NPAS3: variants seen among roughly 807,000 people sequenced by gnomAD.
NPAS3 encodes neuronal PAS domain protein 3.
NPAS3 carries 14 observed loss-of-function variants against 73.1 expected under a neutral mutation model. The ratio of observed to expected loss-of-function variants is 0.19; its 90% confidence interval spans 0.13 to 0.30. The LOEUF is 0.30. Ranked by LOEUF, NPAS3 falls within the 10% of genes least tolerant of loss-of-function variation. The pLI is 1.00. For synonymous variants in NPAS3, 620 were observed against 541.5 expected, an observed-to-expected ratio of 1.14 and a Z score of -2.01; for missense variants, 1,096 against 1,250.0, an observed-to-expected ratio of 0.88 and a Z score of 1.86.
At chr14:33,449,631 GCACA>G (rs35853342) in intron 4 of NPAS3, among the ~76,000 whole-genome samples, 9 of 148,646 alleles carry the variant, frequency 6.1e-5, no homozygotes, top group East Asian at 3.9e-4. Context: ...GCACACACAT[GCACA>G]CACACACACA....
At chr14:33,136,441 A>G (rs1189556490) in intron 2 of NPAS3, among the ~76,000 whole-genome samples, 4 of 152,186 alleles carry the variant, frequency 2.6e-5, no homozygotes. Context: ...AACCTTTAAC[A>G]CATTGATAAT....
intron 9 of NPAS3, among the ~76,000 whole-genome samples, chr14:33,787,074 T>TA (rs917496824): frequency 4.0e-5 from 6 of 151,758 alleles, no homozygotes; most frequent in Admixed American, 2.0e-4. Context: ...GTATAGGTCC[T>TA]AAAAAAAATA....
intron 4 of NPAS3, among the ~76,000 whole-genome samples, chr14:33,442,842 G>C (rs1023612332): frequency 6.6e-6 from 1 of 152,180 alleles, no homozygotes; most frequent in Non-Finnish European, 1.5e-5. Flanking sequence ...GAAATGATTT[G>C]TTAGCGTCAG....
At chr14:33,184,131 A>G (rs1248949516) in intron 2 of NPAS3, among the ~76,000 whole-genome samples, 2 of 152,186 alleles carry the variant, frequency 1.3e-5, no homozygotes, top group Admixed American at 6.5e-5. Context: ...ACGAAGTCAA[A>G]CACGCACTTT....
intron 7 of NPAS3, among the ~76,000 whole-genome samples, chr14:33,743,515 C>T (rs1347435811): frequency 6.6e-6 from 1 of 152,140 alleles, no homozygotes; most frequent in Non-Finnish European, 1.5e-5. Context: ...CATAGACAGA[C>T]TAGATTTAGC....
chr14:33,415,194 T>C (rs932030024), intron 4 of NPAS3, among the ~76,000 whole-genome samples: 1 of 152,078 alleles, frequency 6.6e-6, no homozygotes, highest in Non-Finnish European at 1.5e-5. Context: ...TATCTGCAAT[T>C]TTTATTTATC....
intron 1 of NPAS3, among the ~76,000 whole-genome samples, chr14:32,997,050 C>T (rs996010628): frequency 1.3e-5 from 2 of 152,198 alleles, no homozygotes; most frequent in African/African-American, 2.4e-5. Context: ...TGGGAACCCA[C>T]CTCATGCATT....
chr14:33,685,105 C>CATTG (rs372502085), intron 6 of NPAS3, among the ~76,000 whole-genome samples: 193 of 152,190 alleles, frequency 1.3e-3, no homozygotes, highest in Middle Eastern at 3.4e-3. Flanking sequence ...ATTCAACAAC[C>CATTG]ATTGATTGAA....
chr14:33,184,286 C>T (rs369973328), intron 2 of NPAS3, among the ~76,000 whole-genome samples: 9 of 151,934 alleles, frequency 5.9e-5, no homozygotes, highest in African/African-American at 9.7e-5. Context: ...AAGGGGGAAG[C>T]GGCAGAGGGA....
intron 2 of NPAS3, among the ~76,000 whole-genome samples, chr14:33,210,826 C>G (rs1399121999): frequency 1.3e-5 from 2 of 152,064 alleles, no homozygotes; most frequent in African/African-American, 4.8e-5. Context: ...TAAGCATCCA[C>G]TAATTAAATA....
intron 6 of NPAS3, among the ~76,000 whole-genome samples, chr14:33,714,664 A>G (rs552955248): frequency 1.3e-5 from 2 of 152,322 alleles, no homozygotes; most frequent in East Asian, 3.9e-4. Flanking sequence ...AAGAGAGATA[A>G]TTATCAAATT....
At chr14:33,583,284 C>T (rs1197801598) in intron 5 of NPAS3, 1 of 152,138 alleles carries the variant, frequency 6.6e-6, no homozygotes, top group East Asian at 1.9e-4. Context: ...ATAAACCTGA[C>T]CTCTTCAGGG....
At chr14:33,142,316 T>G (rs964533961) in intron 2 of NPAS3, among the ~76,000 whole-genome samples, 1 of 149,804 alleles carries the variant, frequency 6.7e-6, no homozygotes, top group Admixed American at 6.7e-5. Context: ...TACACTAACA[T>G]TTTTTAGCCT....
chr14:32,966,776 C>CAA (rs61620104), intron 1 of NPAS3, among the ~76,000 whole-genome samples: 2,964 of 43,662 alleles, frequency 0.068, 136 homozygotes, highest in Middle Eastern at 0.1. Context: ...GACTCCGTCT[C>CAA]AAAAAAAAAA....
chr14:33,728,662 T>C (rs1438456965), intron 6 of NPAS3, among the ~76,000 whole-genome samples: 6 of 152,140 alleles, frequency 3.9e-5, no homozygotes, highest in Admixed American at 3.9e-4. Flanking sequence ...CTAAAAGCCG[T>C]TACCCGCTTC....
chr14:33,685,695 A>C (rs1398132825), intron 6 of NPAS3, among the ~76,000 whole-genome samples: 2 of 152,250 alleles, frequency 1.3e-5, no homozygotes, highest in Non-Finnish European at 2.9e-5. Flanking sequence ...TGTCTACTCC[A>C]AGTATAACTT....
At chr14:33,626,625 C>T (rs568762754) in intron 5 of NPAS3, among the ~76,000 whole-genome samples, 20 of 152,154 alleles carry the variant, frequency 1.3e-4, no homozygotes, top group Non-Finnish European at 2.6e-4. Flanking sequence ...AACGATGCTA[C>T]TCACTTGTTA....
At chr14:33,168,390 T>G (rs542911595) in intron 2 of NPAS3, among the ~76,000 whole-genome samples, 41 of 152,242 alleles carry the variant, frequency 2.7e-4, no homozygotes, top group Admixed American at 7.9e-4. Flanking sequence ...ACACCAGACA[T>G]CTGACCCCAT....
intron 2 of NPAS3, among the ~76,000 whole-genome samples, chr14:33,197,268 T>TGTGTGTGTGTGTGTG (rs1555353808): frequency 4.1e-5 from 4 of 97,924 alleles, no homozygotes; most frequent in African/African-American, 9.3e-5. Flanking sequence ...TGTGTGTGTG[T>TGTGTGTGTGTGTGTG]TCTTTTTCAA....
Sources: gnomAD v4.1 joint callset for allele counts (sites outside exome capture counted in the v4.1 genomes callset) on GRCh38, gnomAD v4.1.1 for gene constraint, MANE v1.5 for transcripts, NCBI Gene and HGNC (gene_info 2026-07-23, HGNC 2026-07-21) for gene names.